The following CIMIP5 variants were observed in gnomAD, a reference collection of about 807,000 sequenced individuals.
The protein encoded by CIMIP5 is ciliary microtubule inner protein 5.
the CIMIP5 span, chr2:11,140,472 G>A: frequency 1.3e-6 from 2 of 1,502,926 alleles, no homozygotes; most frequent in Non-Finnish European, 9.1e-7. Context: ...AAATGTCCTG[G>A]AAGGAACTCA....
chr2:11,133,483 A>C, the CIMIP5 span: 17 of 1,608,448 alleles, frequency 1.1e-5, no homozygotes, highest in Non-Finnish European at 1.4e-5. Flanking sequence ...CAGGCCCCCC[A>C]GGCTCTGAAG....
chr2:11,142,556 T>C, the CIMIP5 span, among the ~76,000 whole-genome samples: 20 of 152,292 alleles, frequency 1.3e-4, no homozygotes, highest in African/African-American at 4.8e-4. Context: ...ATCTGCATCA[T>C]GGCCAAAGGG....
the CIMIP5 span, among the ~76,000 whole-genome samples, chr2:11,133,978 GA>G: frequency 3.3e-5 from 5 of 152,124 alleles, no homozygotes; most frequent in African/African-American, 9.7e-5. Flanking sequence ...GAGCCGCTCT[GA>G]AACGAGACCA....
At chr2:11,136,500 T>C in the CIMIP5 span, among the ~76,000 whole-genome samples, 2 of 152,128 alleles carry the variant, frequency 1.3e-5, no homozygotes, top group Non-Finnish European at 2.9e-5. Context: ...CTGAACCACG[T>C]CTAGATGGAG....
chr2:11,134,641 C>T, the CIMIP5 span, among the ~76,000 whole-genome samples: 4 of 152,186 alleles, frequency 2.6e-5, no homozygotes, highest in East Asian at 3.8e-4. Context: ...TGTTGCATAT[C>T]GCAGAATTTC....
the CIMIP5 span, among the ~76,000 whole-genome samples, chr2:11,140,086 CAA>C: frequency 9.4e-5 from 8 of 84,762 alleles, no homozygotes; most frequent in African/African-American, 1.6e-4. Flanking sequence ...GACTCCCTCT[CAA>C]AAAAAAAAAA....
At chr2:11,140,386 A>G in the CIMIP5 span, 1 of 604,004 alleles carries the variant, frequency 1.7e-6, no homozygotes, top group East Asian at 3.3e-5. Context: ...AAAAAAAAAA[A>G]AAAAAAAAAA....
the CIMIP5 span, chr2:11,144,024 C>G: frequency 1.9e-6 from 3 of 1,607,642 alleles, no homozygotes; most frequent in Non-Finnish European, 2.5e-6. Flanking sequence ...TGGACACACC[C>G]CTGGGACAGA....
chr2:11,146,843 G>A, the CIMIP5 span: 1 of 152,290 alleles, frequency 6.6e-6, no homozygotes, highest in Non-Finnish European at 1.5e-5. Flanking sequence ...CTTAGGCTGG[G>A]TGGGTACAAA....
chr2:11,142,879 C>T, the CIMIP5 span, among the ~76,000 whole-genome samples: 39,128 of 151,648 alleles, frequency 0.26, 5,266 homozygotes, highest in East Asian at 0.43. Flanking sequence ...TGCCCCCACA[C>T]CCAACTAATT....
chr2:11,137,604 G>GAGAA, the CIMIP5 span, among the ~76,000 whole-genome samples: 199 of 152,304 alleles, frequency 1.3e-3, no homozygotes, highest in African/African-American at 4.6e-3. Flanking sequence ...AATGTCTAAA[G>GAGAA]AGAAAGTAAG....
At chr2:11,148,345 G>T in the CIMIP5 span, among the ~76,000 whole-genome samples, 14 of 152,016 alleles carry the variant, frequency 9.2e-5, no homozygotes, top group African/African-American at 3.4e-4. Flanking sequence ...TCAAACTCCC[G>T]ACCTCAGGTG....
At chr2:11,151,068 A>C in the CIMIP5 span, among the ~76,000 whole-genome samples, 1 of 152,178 alleles carries the variant, frequency 6.6e-6, no homozygotes, top group Non-Finnish European at 1.5e-5. Flanking sequence ...GAGCCAGACT[A>C]GATTGTGAAT....
chr2:11,139,063 G>A, the CIMIP5 span, among the ~76,000 whole-genome samples: 7 of 151,882 alleles, frequency 4.6e-5, no homozygotes, highest in Admixed American at 6.6e-5. Context: ...TATTACAGGC[G>A]CCCGCCACCA....
At chr2:11,144,562 C>T in the CIMIP5 span, 1 of 153,616 alleles carries the variant, frequency 6.5e-6, no homozygotes, top group Non-Finnish European at 1.4e-5. Flanking sequence ...CTTAAAACAA[C>T]ACAAACGTAT....
the CIMIP5 span, among the ~76,000 whole-genome samples, chr2:11,142,157 T>A: frequency 6.6e-6 from 1 of 151,358 alleles, no homozygotes; most frequent in African/African-American, 2.4e-5. Context: ...TTCCAGCTAC[T>A]CGGGAGGCTG....
the CIMIP5 span, among the ~76,000 whole-genome samples, chr2:11,140,027 C>T: frequency 2.1e-5 from 3 of 140,662 alleles, no homozygotes; most frequent in African/African-American, 8.2e-5. Context: ...GCAGAGGTTG[C>T]AGTGAGCTGA....
the CIMIP5 span, among the ~76,000 whole-genome samples, chr2:11,141,499 C>G: frequency 6.6e-6 from 1 of 152,158 alleles, no homozygotes; most frequent in Non-Finnish European, 1.5e-5. Context: ...ACCTGGTCAG[C>G]CTGATGGACT....
chr2:11,133,701 A>G, the CIMIP5 span: 1,319 of 1,442,704 alleles, frequency 9.1e-4, 3 homozygotes, highest in Admixed American at 1.1e-3. Context: ...TGAGGGACAG[A>G]GGGCATGGCA....
Sources: gnomAD v4.1 joint callset for allele counts (sites outside exome capture counted in the v4.1 genomes callset) on GRCh38, gnomAD v4.1.1 for gene constraint, MANE v1.5 for transcripts, NCBI Gene and HGNC (gene_info 2026-07-23, HGNC 2026-07-21) for gene names.